The following NPR2 variants were observed in gnomAD, a reference collection of about 807,000 sequenced individuals.
NPR2 encodes natriuretic peptide receptor 2.
NPR2 carries 49 observed loss-of-function variants against 120.7 expected under a neutral mutation model. That is an observed-to-expected ratio of 0.41 (90% CI 0.32 to 0.52). The LOEUF (loss-of-function observed/expected upper bound fraction) is 0.52, where lower values mean the gene tolerates loss of function less well. Among genes scored for constraint, NPR2 ranks in the 20% least tolerant of loss-of-function variants. NPR2 has a pLI of 0.36. For missense variants in NPR2, 931 were observed against 1,362.9 expected (o/e 0.68, Z 4.99); for synonymous variants, 484 against 519.8 (o/e 0.93, Z 0.94).
At position 35,792,041 on chromosome 9, in the gene NPR2, A is replaced by G. The variant is rs936971107; in HGVS notation, c.-368A>G. ...CGTTTCTTTGTACCACCCGCCCCCC[A>G]CCCCCACCCCATCCCAGTCCCAGAT... On this transcript the variant is annotated 5_prime_UTR_variant, in exon 1 of 22. Coordinates refer to ENST00000342694, the MANE Select transcript of NPR2 (RefSeq NM_003995.4). 6.4e-5 allele frequency: 1 copy of G among 15,516 alleles called. No individual in the cohort carries two copies. The highest frequency in any genetic ancestry group is 1.3e-4 in the Non-Finnish European group (1 of 7,456). 1.0% of individuals were successfully genotyped at this position (15,516 alleles called of 1,614,324 possible).
chr9:35,804,023 C>T (rs138572798), intron 12 of NPR2, among the ~76,000 whole-genome samples: 2 of 152,328 alleles, frequency 1.3e-5, no homozygotes, highest in African/African-American at 2.4e-5. Context: ...AGTAAATTCA[C>T]AACTTCAGAG....
At position 35,809,500 on chromosome 9, in the gene NPR2, A is replaced by G; in HGVS notation, c.*55A>G. The G allele has an allele frequency of 1.2e-6, 2 of 1,613,476 alleles. No individual in the cohort carries two copies. The highest frequency in any genetic ancestry group is 1.7e-6 in the Non-Finnish European group (2 of 1,179,460). ...TCTGCTGCTGGTACCTGGGTGGGCA[A>G]TGGCCACCATGTCTGCACACACCAG... On this transcript the variant is annotated 3_prime_UTR_variant, in exon 22 of 22. Coordinates refer to ENST00000342694, the MANE Select transcript of NPR2 (RefSeq NM_003995.4). This position sits in a 1 kb window ranked among gnomAD's most constrained non-coding sequence, Gnocchi z 4.1.
In NPR2 at chr9:35,792,902, G is replaced by T; in HGVS notation, c.494G>T (p.Arg165Leu). The change falls in exon 1 of 22, where the codon CGT becomes CTT. Residue 165 changes from arginine to leucine, a missense_variant. Arg to Leu is a moderately radical substitution (Grantham distance 102, BLOSUM62 -2). Around this residue, in one of 3 missense-constraint regions of NPR2, gnomAD observed 681 missense variants for 974.3 expected, o/e 0.70. Transcript: ENST00000342694. ...CACGGGCACTTCAATTGGACTGCCC[G>T]TGCTGCCTTGCTGTACCTGGATGCT... Reference protein sequence around the residue: ...TLHGHFNWTARAALLYLDART... With the variant: ...TLHGHFNWTALAALLYLDART... 6.2e-7 allele frequency: 1 copy of T among 1,614,102 alleles called. No individual in the cohort carries two copies. The highest frequency in any genetic ancestry group is 8.5e-7 in the Non-Finnish European group (1 of 1,180,036).
rs756913503 is a variant in NPR2, at chr9:35,794,120, A to G, written c.873+17A>G. ...GCCTTTCAGGTATCATTTGAGCCAA[A>G]TCTGAAGGAGGAGGGGGAAGAGGTG... On this transcript the variant is annotated intron_variant, in intron 2 of 21. Coordinates refer to ENST00000342694, the MANE Select transcript of NPR2 (RefSeq NM_003995.4). 4.3e-6 allele frequency: 7 copies of G among 1,609,402 alleles called. No homozygotes were observed. The Admixed American group carries it at 1.2e-4, about 27-fold the overall frequency.
chr9:35,800,432 G>T lies in NPR2; in HGVS notation c.1167G>T (p.Glu389Asp), dbSNP rs747731734. Residue 389 changes from glutamate (E) to aspartate (D), a missense_variant, in exon 5 of 22, where the codon GAG becomes GAT. Glu to Asp is a conservative substitution (Grantham distance 45). Transcript: ENST00000342694. This position sits in a 1 kb window ranked among gnomAD's most constrained non-coding sequence, Gnocchi z 4.7. ...LVVMDKNNDR[E>D]TDFVLWAMGD... is the part of the protein sequence containing the mutation. ...TCATGGACAAGAACAATGACCGAGA[G>T]ACTGACTTTGTCCTCTGGGCCATGG... The T allele has an allele frequency of 5.6e-6, 9 of 1,614,168 alleles. No homozygotes were observed. The highest frequency in any genetic ancestry group is 6.8e-6 in the Non-Finnish European group (8 of 1,180,010).
rs551308619 is a variant in NPR2, at chr9:35,801,031, C to T, written c.1352-39C>T. 62 of 1,582,926 alleles carry T rather than the reference C, an allele frequency of 3.9e-5. No individual in the cohort carries two copies. The East Asian group carries it at 5.4e-4, about 14-fold the overall frequency. ...ACCCCGTTCTCCATTCTGCCAAGTC[C>T]GCACACAGTCTTCCTCAGGGTCTCT... On this transcript the variant is annotated intron_variant, in intron 6 of 21. Coordinates refer to ENST00000342694, the MANE Select transcript of NPR2 (RefSeq NM_003995.4).
chr9:35,809,652 C>G lies in NPR2; in HGVS notation c.*207C>G, dbSNP rs768208873. The G allele has an allele frequency of 8.9e-7, 1 of 1,120,912 alleles. No individual in the cohort carries two copies. Among genetic ancestry groups the G allele is most frequent in the Admixed American group, 1.7e-5 (1 of 59,178 alleles). 69.4% of individuals were successfully genotyped at this position (1,120,912 alleles called of 1,614,324 possible). A position where few individuals can be genotyped will look rare whatever the true frequency, so the allele number is the denominator to read the frequency against. On this transcript the variant is annotated 3_prime_UTR_variant, in exon 22 of 22. Coordinates refer to ENST00000342694, the MANE Select transcript of NPR2 (RefSeq NM_003995.4). This position sits in a 1 kb window ranked among gnomAD's most constrained non-coding sequence, Gnocchi z 4.1. ...CTCTCTGGCTTGGTCCCCTTCCTCC[C>G]TACTTTCTGTAAATATCTGTATCTA... is the stretch of plus-strand genomic sequence containing the variant.
chr9:35,800,865 G>A lies in NPR2; in HGVS notation c.1351+24G>A. 1 of 1,614,114 alleles carries A rather than the reference G, an allele frequency of 6.2e-7. No homozygotes were observed. The highest frequency in any genetic ancestry group is 1.1e-5 in the South Asian group (1 of 91,086). ...AAGTGGGTGTGTGCAGGGACTGGGAGCAGCTTTCCTCCCTTTGCTTTCCAT... is the reference window on the plus strand; with the variant it reads ...AAGTGGGTGTGTGCAGGGACTGGGAACAGCTTTCCTCCCTTTGCTTTCCAT... On this transcript the variant is annotated intron_variant, in intron 6 of 21. Transcript: ENST00000342694. This position sits in a 1 kb window ranked among gnomAD's most constrained non-coding sequence, Gnocchi z 4.7.
intron 12 of NPR2, among the ~76,000 whole-genome samples, chr9:35,804,159 G>A (rs1296080869): frequency 6.6e-6 from 1 of 151,896 alleles, no homozygotes; most frequent in Non-Finnish European, 1.5e-5. Flanking sequence ...ATTGAACCTT[G>A]TATCCTCTTT....
Position 35,802,568 on chromosome 9 carries a change from T to A in NPR2, c.1776T>A (p.Ile592=). ...FIGACIDPPN[I]CIVTEYCPRG... The stretch of plus-strand genomic sequence containing the variant: ...GCGCCTGCATAGACCCTCCCAACAT[T>A]TGCATTGTCACTGAATACTGTCCTC... Residue 592 remains isoleucine (I), a synonymous_variant, in exon 11 of 22, where the codon ATT becomes ATA. Transcript: ENST00000342694. The surrounding 1 kb of genome is among the most constrained non-coding windows in gnomAD (Gnocchi z 4.2). The A allele has an allele frequency of 6.2e-7, 1 of 1,607,558 alleles. No individual in the cohort carries two copies. Among genetic ancestry groups the A allele is most frequent in the Non-Finnish European group, 8.5e-7 (1 of 1,174,024 alleles).
Position 35,800,301 on chromosome 9 carries a change from G to T in NPR2, c.1124-88G>T. On this transcript the variant is annotated intron_variant, in intron 4 of 21. Transcript: ENST00000342694. This position sits in a 1 kb window ranked among gnomAD's most constrained non-coding sequence, Gnocchi z 4.7. ...TGCCCACACCTCAAGATCGGGGAAG[G>T]GTAGACTCTGAGGGAGCCGTAGGCA... 3 of 1,429,846 alleles carry T rather than the reference G, an allele frequency of 2.1e-6. No homozygotes were observed. Among genetic ancestry groups the T allele is most frequent in the Non-Finnish European group, 3.0e-6 (3 of 1,011,984 alleles). The allele number at this position is 1,429,846 out of a possible 1,614,324, so 88.6% of individuals were successfully genotyped here.
chr9:35,793,173 C>T, intron 1 of NPR2, 98 bp downstream of exon 1: 1 of 1,283,202 alleles, frequency 7.8e-7, no homozygotes, highest in Non-Finnish European at 1.1e-6. Context: ...AGGCATTGAG[C>T]AGCTGTATGT....
Position 35,806,461 on chromosome 9 carries a change from G to C in NPR2, c.2442G>C (p.Lys814Asn). The change falls in exon 16 of 22, where the codon AAG becomes AAC. Residue 814 changes from lysine to asparagine, a missense_variant. This residue lies in a region of NPR2 where 184 missense variants were observed against 328.3 expected (regional missense o/e 0.56). Transcript: ENST00000342694. This position sits in a 1 kb window ranked among gnomAD's most constrained non-coding sequence, Gnocchi z 4.6. ...AACAGTATGCCAATAACTTGGAGAA[G>C]CTGGTGGAGGAACGCACACAGGCCT... is the stretch of plus-strand genomic sequence containing the variant. ...RMEQYANNLEKLVEERTQAYL... is the reference protein window; with the variant it reads ...RMEQYANNLENLVEERTQAYL... 3 of 1,614,148 alleles carry C rather than the reference G, an allele frequency of 1.9e-6. No homozygotes were observed. The highest frequency in any genetic ancestry group is 2.5e-6 in the Non-Finnish European group (3 of 1,179,976).
intron 7 of NPR2, among the ~76,000 whole-genome samples, chr9:35,801,386 AGT>A (rs1170407059): frequency 6.6e-6 from 1 of 152,172 alleles, no homozygotes; most frequent in Non-Finnish European, 1.5e-5. Context: ...AGTGTTTTTC[AGT>A]GGGGTTAAGA....
intron 2 of NPR2, among the ~76,000 whole-genome samples, chr9:35,798,576 T>C (rs903345176): frequency 6.6e-6 from 1 of 152,258 alleles, no homozygotes; most frequent in Non-Finnish European, 1.5e-5. Flanking sequence ...CCACATGTAC[T>C]TTCTATGACA....
chr9:35,808,003 C>T lies in NPR2; in HGVS notation c.2713-506C>T. On this transcript the variant is annotated intron_variant, in intron 18 of 21. Transcript: ENST00000342694. The surrounding 1 kb of genome is among the most constrained non-coding windows in gnomAD (Gnocchi z 4.0). ...ACTATTTAGGGATAACTACTTTATCCCTAAATACTTAGTGTGTATTTCCTA... is the reference window on the plus strand; with the variant it reads ...ACTATTTAGGGATAACTACTTTATCTCTAAATACTTAGTGTGTATTTCCTA... 1.6e-6 allele frequency: 1 copy of T among 615,044 alleles called. No homozygotes were observed. Among genetic ancestry groups the T allele is most frequent in the South Asian group, 1.9e-5 (1 of 51,380 alleles). The allele number at this position is 615,044 out of a possible 1,614,324, so 38.1% of individuals were successfully genotyped here. A position where few individuals can be genotyped will look rare whatever the true frequency, so the allele number is the denominator to read the frequency against.
intron 7 of NPR2, 37 bp from the exon 8 acceptor site, chr9:35,801,606 C>G (rs780549583): frequency 1.2e-6 from 2 of 1,613,590 alleles, no homozygotes; most frequent in East Asian, 2.2e-5. Flanking sequence ...TGGCAGGATT[C>G]GGCTTGCCAG....
chr9:35,807,508 T>A (rs1452719904), intron 18 of NPR2, 110 bp downstream of exon 18: 1 of 877,620 alleles, frequency 1.1e-6, no homozygotes, highest in African/African-American at 1.6e-5. Flanking sequence ...CAGTTTTCCC[T>A]CCAGGGTACT....
chr9:35,800,782 C>T lies in NPR2; in HGVS notation c.1292C>T (p.Ala431Val). The T allele has an allele frequency of 3.1e-6, 5 of 1,614,090 alleles. No homozygotes were observed. The highest frequency in any genetic ancestry group is 4.2e-6 in the Non-Finnish European group (5 of 1,180,000). Residue 431 changes from alanine (A) to valine (V), a missense_variant, in exon 6 of 22, where the codon GCT becomes GTT. Coordinates refer to ENST00000342694, the MANE Select transcript of NPR2 (RefSeq NM_003995.4). The surrounding 1 kb of genome is among the most constrained non-coding windows in gnomAD (Gnocchi z 4.7). ...TGRPIPWVKG[A>V]PPSDNPPCAF... ...CGGCCTATTCCCTGGGTGAAGGGGGCTCCTCCCTCGGACAATCCCCCCTGT... is the reference window on the plus strand; with the variant it reads ...CGGCCTATTCCCTGGGTGAAGGGGGTTCCTCCCTCGGACAATCCCCCCTGT...
Sources: allele counts gnomAD v4.1 joint callset (sites outside exome capture counted in the v4.1 genomes callset), GRCh38; gene constraint gnomAD v4.1.1; regional missense constraint gnomAD v4.1.1; non-coding constraint Gnocchi (gnomAD v3.1); transcripts MANE v1.5; gene names NCBI Gene and HGNC (gene_info 2026-07-23, HGNC 2026-07-21).